Variants in HTR1E observed in about 807,000 individuals in gnomAD.
HTR1E encodes the protein 5-hydroxytryptamine receptor 1E, also known as 5-HT-1E.
A neutral mutation model predicts 3.4 loss-of-function variants in HTR1E; 3 were observed. That is an observed-to-expected ratio of 0.89 (90% CI 0.41 to 2.31). The LOEUF (loss-of-function observed/expected upper bound fraction) is 2.31. Among genes scored for constraint, HTR1E ranks in the 30% most tolerant of loss-of-function variants. HTR1E has a pLI of 0.05. For synonymous variants in HTR1E, 170 were observed against 182.8 expected (o/e 0.93, Z 0.56); for missense variants, 392 against 467.0 (o/e 0.84, Z 1.48).
At chr6:86,962,543 A>AC (rs1767423520) in intron 1 of HTR1E, among the ~76,000 whole-genome samples, 1 of 152,196 alleles carries the variant, frequency 6.6e-6, no homozygotes, top group East Asian at 1.9e-4. Context: ...CAGTCATATG[A>AC]AAGCATATCA....
chr6:86,971,228 T>C, intron 1 of HTR1E: 1 of 346,242 alleles, frequency 2.9e-6, no homozygotes, highest in Non-Finnish European at 5.5e-6. Flanking sequence ...ATCTAATCCA[T>C]TAGTAAACAG....
At chr6:86,945,400 C>A (rs1308475759) in intron 1 of HTR1E, among the ~76,000 whole-genome samples, 1 of 152,034 alleles carries the variant, frequency 6.6e-6, no homozygotes, top group Non-Finnish European at 1.5e-5. Flanking sequence ...CACCACCATG[C>A]CCAGCTAATT....
intron 1 of HTR1E, among the ~76,000 whole-genome samples, chr6:87,001,430 C>G (rs1768022230): frequency 6.6e-6 from 1 of 152,144 alleles, no homozygotes; most frequent in Non-Finnish European, 1.5e-5. Flanking sequence ...CACTTTGTTA[C>G]TGAAACACCA....
chr6:87,015,116 C>A, intron 1 of HTR1E, 34 bp from the exon 2 acceptor site: 1 of 369,284 alleles, frequency 2.7e-6, no homozygotes, highest in Non-Finnish European at 4.8e-6. Context: ...GTGTGGCTTT[C>A]TCATTCATTA....
At chr6:86,998,611 G>A (rs1490858246) in intron 1 of HTR1E, among the ~76,000 whole-genome samples, 1 of 152,048 alleles carries the variant, frequency 6.6e-6, no homozygotes, top group East Asian at 1.9e-4. Context: ...TGCTTATATT[G>A]TTACTGACAA....
At chr6:86,990,388 C>T (rs950324920) in intron 1 of HTR1E, among the ~76,000 whole-genome samples, 2 of 152,096 alleles carry the variant, frequency 1.3e-5, no homozygotes, top group Non-Finnish European at 2.9e-5. Flanking sequence ...TTGACTAAAA[C>T]CTTATCTGTA....
intron 1 of HTR1E, among the ~76,000 whole-genome samples, chr6:86,993,948 G>A (rs1181892404): frequency 6.6e-6 from 1 of 151,916 alleles, no homozygotes; most frequent in African/African-American, 2.4e-5. Flanking sequence ...ACATAAAGAA[G>A]AACCAAGTTG....
intron 1 of HTR1E, among the ~76,000 whole-genome samples, chr6:86,968,660 CT>C (rs1767507830): frequency 6.6e-6 from 1 of 152,026 alleles, no homozygotes; most frequent in Non-Finnish European, 1.5e-5. Context: ...GGTGGGTGTT[CT>C]TTTTTGAATT....
intron 1 of HTR1E, among the ~76,000 whole-genome samples, chr6:86,952,242 C>T (rs1045802929): frequency 1.3e-5 from 2 of 152,044 alleles, no homozygotes; most frequent in African/African-American, 2.4e-5. Context: ...GTTTCAATTT[C>T]GAGATTCAAA....
At chr6:86,950,743 C>T (rs1270656192) in intron 1 of HTR1E, among the ~76,000 whole-genome samples, 2 of 152,154 alleles carry the variant, frequency 1.3e-5, no homozygotes, top group African/African-American at 4.8e-5. Context: ...ATCAAATCTT[C>T]CTGGGCCTCA....
intron 1 of HTR1E, among the ~76,000 whole-genome samples, chr6:86,953,054 T>C (rs1292764136): frequency 6.6e-6 from 1 of 152,220 alleles, no homozygotes; most frequent in Non-Finnish European, 1.5e-5. Context: ...GCATGCTGCC[T>C]TGACTGACTC....
At chr6:87,001,809 G>C (rs967823614) in intron 1 of HTR1E, among the ~76,000 whole-genome samples, 1 of 152,138 alleles carries the variant, frequency 6.6e-6, no homozygotes, top group Non-Finnish European at 1.5e-5. Context: ...CAAGCTTTAA[G>C]ACCAGAAGGA....
Position 86,960,565 on chromosome 6 carries a change from C to T in HTR1E, c.-186+22742C>T, listed in dbSNP as rs551364545. Among the ~76,000 whole-genome samples the T allele has an allele frequency of 3.5e-4, 54 of 152,236 alleles. 1 individual carries two copies. Among genetic ancestry groups the T allele is most frequent in the African/African-American group, 1.2e-3 (51 of 41,532 alleles). On this transcript the variant is annotated intron_variant, in intron 1 of 1. Coordinates refer to ENST00000305344, the MANE Select transcript of HTR1E (RefSeq NM_000865.3). ...AGCTCAGGTGAATGTTCTGTTATCCCGGTTGTTCAATCAAGATCCATTGAG... is the reference window on the plus strand; with the variant it reads ...AGCTCAGGTGAATGTTCTGTTATCCTGGTTGTTCAATCAAGATCCATTGAG...
In HTR1E at chr6:87,015,754, G is replaced by A. The variant is rs769674442; in HGVS notation, c.420G>A (p.Ala140=). Reference sequence around the variant, plus strand: ...GGAAGAGGACGGCCAAGAGGGCCGCGCTGATGATCCTTACCGTCTGGACCA... The same window carrying A: ...GGAAGAGGACGGCCAAGAGGGCCGCACTGATGATCCTTACCGTCTGGACCA... ...YARKRTAKRA[A]LMILTVWTIS... Residue 140 remains alanine (A), a synonymous_variant, in exon 2 of 2, where the codon GCG becomes GCA. Coordinates refer to ENST00000305344, the MANE Select transcript of HTR1E (RefSeq NM_000865.3). The A allele has an allele frequency of 1.4e-5, 23 of 1,609,582 alleles. No individual in the cohort carries two copies. The highest frequency in any genetic ancestry group is 4.4e-5 in the South Asian group (4 of 90,424).
chr6:86,949,848 AC>A (rs1447361346), intron 1 of HTR1E, among the ~76,000 whole-genome samples: 1 of 152,114 alleles, frequency 6.6e-6, no homozygotes, highest in East Asian at 1.9e-4. Context: ...TTTTTAATAT[AC>A]CTTCCTATTA....
At chr6:86,977,145 C>T (rs957862375) in intron 1 of HTR1E, among the ~76,000 whole-genome samples, 2 of 152,078 alleles carry the variant, frequency 1.3e-5, no homozygotes, top group African/African-American at 4.8e-5. Flanking sequence ...AGGGAGTAAG[C>T]TTAGTACCCA....
chr6:87,006,028 G>A (rs1265549936), intron 1 of HTR1E, among the ~76,000 whole-genome samples: 1 of 152,150 alleles, frequency 6.6e-6, no homozygotes, highest in Non-Finnish European at 1.5e-5. Flanking sequence ...ACTACAATGA[G>A]ATATCATCTT....
chr6:87,005,020 T>C (rs1009493691), intron 1 of HTR1E, among the ~76,000 whole-genome samples: 3 of 152,054 alleles, frequency 2.0e-5, no homozygotes, highest in African/African-American at 7.2e-5. Flanking sequence ...TACCTAGGAA[T>C]AAACTTAACC....
At chr6:87,014,627 T>TA (rs1170945812) in intron 1 of HTR1E, among the ~76,000 whole-genome samples, 1 of 151,998 alleles carries the variant, frequency 6.6e-6, no homozygotes, top group African/African-American at 2.4e-5. Context: ...TATGCAGCCA[T>TA]AAAAAAGGAT....
Sources: allele counts gnomAD v4.1 joint callset (sites outside exome capture counted in the v4.1 genomes callset), GRCh38; gene constraint gnomAD v4.1.1; transcripts MANE v1.5; gene names NCBI Gene and HGNC (gene_info 2026-07-23, HGNC 2026-07-21).